COL5A2: variants seen among roughly 807,000 people sequenced by gnomAD.
COL5A2 encodes the protein collagen type V alpha 2 chain.
COL5A2 carries 23 observed loss-of-function variants against 208.2 expected under a neutral mutation model. The observed-to-expected ratio is 0.11, with a 90% CI of 0.08 to 0.16. The LOEUF (loss-of-function observed/expected upper bound fraction) is 0.16. Among genes scored for constraint, COL5A2 ranks in the 10% least tolerant of loss-of-function variants. COL5A2 has a pLI of 1.00. For missense variants in COL5A2, 1,590 were observed against 1,956.4 expected, an observed-to-expected ratio of 0.81 and a Z score of 3.53; for synonymous variants, 625 against 628.5, an observed-to-expected ratio of 0.99 and a Z score of 0.08.
At chr2:189,331,681 C>T in the COL5A2 span, among the ~76,000 whole-genome samples, 2 of 152,080 alleles carry the variant, frequency 1.3e-5, no homozygotes, top group African/African-American at 4.8e-5. Flanking sequence ...GCTCTTTTTC[C>T]TGTATATGTC....
chr2:189,121,558 G>A (rs926468628), intron 1 of COL5A2, among the ~76,000 whole-genome samples: 1 of 151,970 alleles, frequency 6.6e-6, no homozygotes, highest in Non-Finnish European at 1.5e-5. Flanking sequence ...CAAGACAGTG[G>A]TGCACAGCAA....
chr2:189,393,489 C>A, the COL5A2 span, among the ~76,000 whole-genome samples: 1 of 151,968 alleles, frequency 6.6e-6, no homozygotes, highest in Non-Finnish European at 1.5e-5. Context: ...ATTAATATCT[C>A]TATTTAAATT....
At chr2:189,068,666 G>A (rs1407142331) in intron 19 of COL5A2, 120 bp downstream of exon 19, 3 of 743,526 alleles carry the variant, frequency 4.0e-6, no homozygotes, top group East Asian at 2.7e-5. Context: ...GAACATTACA[G>A]GTACCCCCTA....
intron 16 of COL5A2, 59 bp from the exon 17 acceptor site, chr2:189,075,496 CT>C (rs1686385174): frequency 1.5e-6 from 2 of 1,350,654 alleles, no homozygotes; most frequent in African/African-American, 2.9e-5. Flanking sequence ...TATATTTTCT[CT>C]TATTTGCCTT....
At chr2:189,296,954 A>G in the COL5A2 span, among the ~76,000 whole-genome samples, 30 of 152,188 alleles carry the variant, frequency 2.0e-4, no homozygotes, top group Admixed American at 2.0e-3. Flanking sequence ...TTTCTAGCCA[A>G]TCTGGGAGCC....
intron 51 of COL5A2, among the ~76,000 whole-genome samples, chr2:189,037,432 A>G (rs1313570161): frequency 6.6e-6 from 1 of 152,214 alleles, no homozygotes; most frequent in Non-Finnish European, 1.5e-5. Context: ...TATAAATAGT[A>G]TGTGAGAATT....
chr2:189,259,466 T>C, the COL5A2 span, among the ~76,000 whole-genome samples: 1 of 152,320 alleles, frequency 6.6e-6, no homozygotes, highest in South Asian at 2.1e-4. Flanking sequence ...TTAGACCAAA[T>C]TTTAGACTTA....
the COL5A2 span, among the ~76,000 whole-genome samples, chr2:189,349,209 G>T: frequency 6.6e-6 from 1 of 152,108 alleles, no homozygotes; most frequent in Non-Finnish European, 1.5e-5. Context: ...TAAAGGTTCA[G>T]ACATGAAATT....
chr2:189,264,647 T>C, the COL5A2 span, among the ~76,000 whole-genome samples: 16 of 152,178 alleles, frequency 1.1e-4, no homozygotes, highest in East Asian at 1.5e-3. Flanking sequence ...AAGATAAATA[T>C]ATATGCAGCC....
At chr2:189,424,731 T>G in the COL5A2 span, among the ~76,000 whole-genome samples, 63 of 152,342 alleles carry the variant, frequency 4.1e-4, no homozygotes, top group African/African-American at 1.5e-3. Context: ...ATTGTTACAA[T>G]GTCCACACTA....
intron 15 of COL5A2, 135 bp downstream of exon 15, chr2:189,078,928 A>G: frequency 1.3e-6 from 1 of 749,272 alleles, no homozygotes; most frequent in South Asian, 1.6e-5. Context: ...ATCAGCTGGT[A>G]ATCAAGATTA....
intron 1 of COL5A2, among the ~76,000 whole-genome samples, chr2:189,122,498 A>C (rs1687524964): frequency 6.6e-6 from 1 of 152,152 alleles, no homozygotes; most frequent in Non-Finnish European, 1.5e-5. Flanking sequence ...GGTACATGTG[A>C]TACCTCTTCC....
chr2:189,395,151 G>T, the COL5A2 span, among the ~76,000 whole-genome samples: 1 of 152,164 alleles, frequency 6.6e-6, no homozygotes, highest in Admixed American at 6.5e-5. Flanking sequence ...AAGGATGAAA[G>T]ACTGCCAAAT....
the COL5A2 span, among the ~76,000 whole-genome samples, chr2:189,387,976 G>C: frequency 2.6e-5 from 4 of 152,006 alleles, no homozygotes. Flanking sequence ...GTAGGGACAG[G>C]GTCTCACTAT....
At chr2:189,436,093 C>T in the COL5A2 span, among the ~76,000 whole-genome samples, 2 of 152,080 alleles carry the variant, frequency 1.3e-5, no homozygotes, top group East Asian at 1.9e-4. Context: ...AACCAAACAC[C>T]GCATGTTCTC....
intron 1 of COL5A2, among the ~76,000 whole-genome samples, chr2:189,121,708 G>A (rs1007690255): frequency 5.7e-5 from 8 of 139,380 alleles, no homozygotes; most frequent in African/African-American, 5.8e-5. Context: ...CTGCACTCCA[G>A]CCTGGGTGAC....
intron 24 of COL5A2, 69 bp from the exon 25 acceptor site, chr2:189,064,724 T>C: frequency 8.8e-7 from 1 of 1,142,854 alleles, no homozygotes; most frequent in Non-Finnish European, 1.3e-6. Flanking sequence ...AGAAGTAAAA[T>C]TATCGTTTTA....
chr2:189,050,283 C>T (rs909419032), intron 43 of COL5A2, among the ~76,000 whole-genome samples: 1 of 14,936 alleles, frequency 6.7e-5, no homozygotes, highest in African/African-American at 1.1e-4. Flanking sequence ...CCTCTAGCTC[C>T]GGGATCTTTT....
At chr2:189,237,684 C>G in the COL5A2 span, among the ~76,000 whole-genome samples, 1 of 151,670 alleles carries the variant, frequency 6.6e-6, no homozygotes, top group African/African-American at 2.4e-5. Flanking sequence ...CACTATAGAC[C>G]AAACAAATTT....
Sources: allele counts gnomAD v4.1 joint callset (sites outside exome capture counted in the v4.1 genomes callset), GRCh38; gene constraint gnomAD v4.1.1; transcripts MANE v1.5; gene names NCBI Gene and HGNC (gene_info 2026-07-23, HGNC 2026-07-21).